Variants in CA12 observed in about 807,000 individuals in gnomAD.
The protein encoded by CA12 is carbonic anhydrase 12.
Under a neutral mutation model 46.8 loss-of-function variants are expected in CA12, and 36 were observed. The ratio of observed to expected loss-of-function variants is 0.77; its 90% CI spans 0.59 to 1.02. The LOEUF (loss-of-function observed/expected upper bound fraction) is 1.02, where lower values mean the gene tolerates loss of function less well. Among genes scored for constraint, CA12 ranks in the 50% least tolerant of loss-of-function variants. CA12 has a pLI of 0.00. For missense variants in CA12, 436 were observed against 451.4 expected (o/e 0.97, Z 0.31); for synonymous variants, 202 against 187.0 (o/e 1.08, Z -0.65).
rs1181229138 is a variant in CA12 at position 63,326,206 on chromosome 15, T to C, written c.*79A>G. 5 of 1,048,158 alleles carry C rather than the reference T, an allele frequency of 4.8e-6. No homozygotes were observed. In the East Asian group the frequency reaches 1.2e-4, roughly 25 times the overall value. 64.9% of individuals were successfully genotyped at this position (1,048,158 alleles called of 1,614,324 possible). On this transcript the variant is annotated 3_prime_UTR_variant, in exon 11 of 11. Transcript: ENST00000178638. ...GAGCTACAGAGAACACCTTGAGGTG[T>C]CGCAAGTGTCCAGAGAGCCGAAGTG... is the stretch of plus-strand genomic sequence containing the variant.
intron 2 of CA12, among the ~76,000 whole-genome samples, chr15:63,367,541 G>T (rs1024493325): frequency 6.6e-6 from 1 of 152,202 alleles, no homozygotes; most frequent in African/African-American, 2.4e-5. Context: ...ACTTTGCAGA[G>T]CCCTGTGTCC....
intron 2 of CA12, among the ~76,000 whole-genome samples, chr15:63,367,458 G>A (rs1031761595): frequency 2.6e-5 from 4 of 152,142 alleles, no homozygotes; most frequent in African/African-American, 7.2e-5. Flanking sequence ...ACCCTGGGAA[G>A]GCACCAGGCC....
chr15:63,343,545 T>G (rs2039109138), intron 4 of CA12, among the ~76,000 whole-genome samples: 1 of 152,058 alleles, frequency 6.6e-6, no homozygotes, highest in African/African-American at 2.4e-5. Context: ...CCTCCCAAAG[T>G]GCTGGGATTA....
intron 1 of CA12, among the ~76,000 whole-genome samples, chr15:63,377,259 C>A (rs1012132722): frequency 1.2e-4 from 19 of 152,086 alleles, no homozygotes; most frequent in African/African-American, 4.6e-4. Flanking sequence ...ACTCCTAAAT[C>A]CCTGCCTCCC....
intron 1 of CA12, among the ~76,000 whole-genome samples, chr15:63,376,404 C>G (rs1188510882): frequency 6.6e-6 from 1 of 152,176 alleles, no homozygotes; most frequent in Non-Finnish European, 1.5e-5. Context: ...ATTGGGAGCC[C>G]TTTCATGGCA....
intron 7 of CA12, 25 bp from the exon 8 acceptor site, chr15:63,338,970 C>G (rs11638022): frequency 2.9e-5 from 46 of 1,613,888 alleles, no homozygotes; most frequent in Non-Finnish European, 3.7e-5. Flanking sequence ...AGAAATAGCC[C>G]GCAGGCAGAA....
intron 1 of CA12, among the ~76,000 whole-genome samples, chr15:63,379,869 G>C (rs1215480003): frequency 6.6e-6 from 1 of 152,192 alleles, no homozygotes; most frequent in African/African-American, 2.4e-5. Context: ...CGGCAACTAA[G>C]AATTCCAAGG....
intron 2 of CA12, among the ~76,000 whole-genome samples, chr15:63,367,176 C>T (rs1187186758): frequency 6.6e-6 from 1 of 152,206 alleles, no homozygotes; most frequent in Non-Finnish European, 1.5e-5. Flanking sequence ...CCGCCTCGGC[C>T]TCCCAAGGTG....
intron 2 of CA12, among the ~76,000 whole-genome samples, chr15:63,349,767 C>A (rs1295996620): frequency 6.6e-6 from 1 of 152,166 alleles, no homozygotes. Context: ...GGCTTCCCCA[C>A]GCTGTCCTTG....
intron 8 of CA12, among the ~76,000 whole-genome samples, chr15:63,334,782 A>G (rs1457881504): frequency 6.6e-6 from 1 of 152,228 alleles, no homozygotes; most frequent in Non-Finnish European, 1.5e-5. Flanking sequence ...AAGGGTGCAC[A>G]GTTCTCTCTC....
chr15:63,364,344 A>AAAC, intron 2 of CA12, among the ~76,000 whole-genome samples: 1 of 149,496 alleles, frequency 6.7e-6, no homozygotes, highest in Admixed American at 6.7e-5. Context: ...AAAAAAAAAA[A>AAAC]AAAAAAAAAA....
intron 2 of CA12, among the ~76,000 whole-genome samples, chr15:63,354,009 C>T (rs7169671): frequency 0.011 from 1,627 of 152,290 alleles, 31 homozygotes; most frequent in African/African-American, 0.037. Context: ...GTTGACCCAC[C>T]GCACAGAAGG....
intron 2 of CA12, among the ~76,000 whole-genome samples, chr15:63,368,485 C>T (rs10775185): frequency 0.96 from 146,270 of 152,316 alleles, 70,446 homozygotes; most frequent in Non-Finnish European, 1. Flanking sequence ...ACCAGGACTT[C>T]CTCCCTCCTG....
At chr15:63,357,811 A>G (rs957994288) in intron 2 of CA12, among the ~76,000 whole-genome samples, 5 of 152,178 alleles carry the variant, frequency 3.3e-5, no homozygotes, top group African/African-American at 1.2e-4. Flanking sequence ...ATACCTGTGA[A>G]GCAGTCACCT....
rs1228495479 is a variant in CA12 at position 63,327,021 on chromosome 15, G to A, written c.992+128C>T. ...GCCAGGGCACGGGTGCTTTGGGGAC[G>A]GCCCTCCTAGGGTAAGTGGTGGTCC... On this transcript the variant is annotated intron_variant, in intron 10 of 10. Coordinates refer to ENST00000178638, the MANE Select transcript of CA12 (RefSeq NM_001218.5). This position sits in a 1 kb window ranked among gnomAD's most constrained non-coding sequence, Gnocchi z 4.5. 17 of 798,250 alleles carry A rather than the reference G, an allele frequency of 2.1e-5. No individual in the cohort carries two copies. The highest frequency in any genetic ancestry group is 8.7e-5 in the South Asian group (6 of 69,056). The allele number at this position is 798,250 out of a possible 1,614,324, so 49.4% of individuals were successfully genotyped here. A position where few individuals can be genotyped will look rare whatever the true frequency, so the allele number is the denominator to read the frequency against.
intron 2 of CA12, 94 bp downstream of exon 2, chr15:63,375,564 C>T: frequency 2.4e-6 from 2 of 821,602 alleles, no homozygotes; most frequent in East Asian, 2.7e-5. Context: ...CCTTCAAAAT[C>T]ACCTCCACAG....
At position 63,378,319 on chromosome 15, in the gene CA12, C is replaced by T. The variant is rs1308318927; in HGVS notation, c.86-2641G>A. The stretch of plus-strand genomic sequence containing the variant: ...AGGAGAATTGCTTGAACCCGGGAGG[C>T]GGAGGTTGCAGTGAGCTGAGATTGT... On this transcript the variant is annotated intron_variant, in intron 1 of 10. Coordinates refer to ENST00000178638, the MANE Select transcript of CA12 (RefSeq NM_001218.5). This position sits in a 1 kb window ranked among gnomAD's most constrained non-coding sequence, Gnocchi z 4.8. 2.6e-5 allele frequency among the ~76,000 whole-genome samples: 4 copies of T among 152,080 alleles called. No homozygotes were observed. Among genetic ancestry groups the T allele is most frequent in the African/African-American group, 9.6e-5 (4 of 41,492 alleles).
chr15:63,381,528 C>G, intron 1 of CA12, 108 bp downstream of exon 1: 1 of 938,000 alleles, frequency 1.1e-6, no homozygotes, highest in South Asian at 1.4e-5. Flanking sequence ...GGTACTACAC[C>G]TTCCCTGCTC....
Position 63,328,188 on chromosome 15 carries a change from A to C in CA12, c.875-58T>G. 1.3e-6 allele frequency: 2 copies of C among 1,507,090 alleles called. No individual in the cohort carries two copies. The highest frequency in any genetic ancestry group is 2.3e-5 in the South Asian group (2 of 88,782). 93.4% of individuals were successfully genotyped at this position (1,507,090 alleles called of 1,614,324 possible). On this transcript the variant is annotated intron_variant, in intron 8 of 10. Coordinates refer to ENST00000178638, the MANE Select transcript of CA12 (RefSeq NM_001218.5). This position sits in a 1 kb window ranked among gnomAD's most constrained non-coding sequence, Gnocchi z 5.9. ...CTAGAGTCAAACCACACTGGATTTG[A>C]GCAGCGTGTTGAGAGACGCTCTACC... is the stretch of plus-strand genomic sequence containing the variant.
Sources: gnomAD v4.1 joint callset for allele counts (sites outside exome capture counted in the v4.1 genomes callset) on GRCh38, gnomAD v4.1.1 for gene constraint, Gnocchi (gnomAD v3.1) non-coding constraint, MANE v1.5 for transcripts, NCBI Gene and HGNC (gene_info 2026-07-23, HGNC 2026-07-21) for gene names.